UGT2A2: variants seen among roughly 807,000 people sequenced by gnomAD.
UGT2A2 encodes UDP-glucuronosyltransferase 2A2.
In UGT2A2, 60 loss-of-function variants were observed where a neutral mutation model predicts 50.7. The observed-to-expected ratio is 1.18, with a 90% CI of 0.96 to 1.47. UGT2A2 has a LOEUF of 1.47. UGT2A2 is among the 40% of genes most tolerant of loss of function. The probability of loss-of-function intolerance (pLI) is 0.00; values close to 1 mark genes in which losing one functional copy is unlikely to be tolerated. For synonymous variants in UGT2A2, 242 were observed against 214.6 expected, an observed-to-expected ratio of 1.13 and a Z score of -1.11; for missense variants, 762 against 634.0, an observed-to-expected ratio of 1.20 and a Z score of -2.17.
chr4:69,619,069 A>T (rs984675402), intron 1 of UGT2A2, among the ~76,000 whole-genome samples: 7 of 151,916 alleles, frequency 4.6e-5, no homozygotes, highest in Non-Finnish European at 7.4e-5. Flanking sequence ...ATTTATTTAT[A>T]TCAGAAAAAA....
chr4:69,594,154 T>G (rs1227213838), intron 5 of UGT2A2, among the ~76,000 whole-genome samples: 1 of 151,880 alleles, frequency 6.6e-6, no homozygotes, highest in Non-Finnish European at 1.5e-5. Context: ...TTTTGTATTT[T>G]TAGTAGAGAC....
chr4:69,588,947 G>T lies in UGT2A2; in HGVS notation c.*425C>A, dbSNP rs1177996843. ...CTACGGTGGCTCCCTGATTTGTTTG[G>T]TATATGGAAATTTGTGAATTTGACT... is the stretch of plus-strand genomic sequence containing the variant. On this transcript the variant is annotated 3_prime_UTR_variant, in exon 6 of 6. Transcript: ENST00000604629. The T allele has an allele frequency of 1.9e-5, 3 of 154,448 alleles. No homozygotes were observed. The highest frequency in any genetic ancestry group is 7.2e-5 in the African/African-American group (3 of 41,404). The allele number at this position is 154,448 out of a possible 1,614,324, so 9.6% of individuals were successfully genotyped here. A position where few individuals can be genotyped will look rare whatever the true frequency, so the allele number is the denominator to read the frequency against.
At chr4:69,607,954 AC>A (rs1719760681) in intron 1 of UGT2A2, among the ~76,000 whole-genome samples, 1 of 152,180 alleles carries the variant, frequency 6.6e-6, no homozygotes, top group Non-Finnish European at 1.5e-5. Context: ...AAATAGGAAC[AC>A]TTTTACACTG....
chr4:69,606,788 A>C (rs1429491186), intron 1 of UGT2A2, among the ~76,000 whole-genome samples: 1 of 136,898 alleles, frequency 7.3e-6, no homozygotes, highest in African/African-American at 3.0e-5. Flanking sequence ...ACAGACAAAC[A>C]GAGAGCCAAA....
intron 2 of UGT2A2, among the ~76,000 whole-genome samples, chr4:69,597,802 CTTG>C (rs1238592110): frequency 1.3e-5 from 2 of 151,950 alleles, no homozygotes; most frequent in Non-Finnish European, 1.5e-5. Context: ...TTGACAGTCT[CTTG>C]TTGTTTTTGT....
At chr4:69,616,115 C>T (rs62306197) in intron 1 of UGT2A2, among the ~76,000 whole-genome samples, 21,314 of 151,706 alleles carry the variant, frequency 0.14, 1,700 homozygotes, top group Non-Finnish European at 0.18. Flanking sequence ...ATAAGCCAGG[C>T]GCGGAAAGAC....
intron 1 of UGT2A2, among the ~76,000 whole-genome samples, chr4:69,606,433 A>C (rs2109905909): frequency 7.3e-6 from 1 of 136,834 alleles, no homozygotes; most frequent in Admixed American, 7.2e-5. Flanking sequence ...CAAAATAATA[A>C]GAGCTATCTA....
intron 2 of UGT2A2, among the ~76,000 whole-genome samples, chr4:69,598,149 G>T (rs2109887477): frequency 6.6e-6 from 1 of 152,152 alleles, no homozygotes; most frequent in African/African-American, 2.4e-5. Flanking sequence ...ACTAGAGCTT[G>T]CCTGCAGCCA....
intron 5 of UGT2A2, among the ~76,000 whole-genome samples, chr4:69,590,721 G>A (rs1262665108): frequency 2.0e-5 from 3 of 151,930 alleles, no homozygotes; most frequent in Non-Finnish European, 2.9e-5. Context: ...TGGATCATCC[G>A]AATATACTTT....
In UGT2A2 at chr4:69,639,557, T is replaced by C; in HGVS notation, c.84A>G (p.Leu28=). The C allele has an allele frequency of 6.2e-7, 1 of 1,612,640 alleles. No individual in the cohort carries two copies. Reference sequence around the variant, plus strand: ...TAGGCCAAATTAACACATTCCCACTTAGAACAACTTCAGTCAGAGTCAAAT... The same window carrying C: ...TAGGCCAAATTAACACATTCCCACTCAGAACAACTTCAGTCAGAGTCAAAT... ...VFNLTLTEVV[L]SGNVLIWPTD... Residue 28 remains leucine, a synonymous_variant, in exon 1 of 6, where the codon CTA becomes CTG. Coordinates refer to ENST00000604629, the MANE Select transcript of UGT2A2 (RefSeq NM_001105677.2).
At chr4:69,610,137 T>G (rs1284040209) in intron 1 of UGT2A2, among the ~76,000 whole-genome samples, 2 of 152,144 alleles carry the variant, frequency 1.3e-5, no homozygotes, top group African/African-American at 4.8e-5. Flanking sequence ...TGATATAGTT[T>G]CTAAAAGTGG....
chr4:69,637,092 C>T (rs1342880172), intron 1 of UGT2A2, among the ~76,000 whole-genome samples: 1 of 152,044 alleles, frequency 6.6e-6, no homozygotes, highest in African/African-American at 2.4e-5. Context: ...TTGAGACATA[C>T]TCATGTGAAT....
chr4:69,603,908 G>A (rs1719450411), intron 1 of UGT2A2, among the ~76,000 whole-genome samples: 2 of 136,234 alleles, frequency 1.5e-5, no homozygotes, highest in Non-Finnish European at 3.1e-5. Flanking sequence ...CAAGAAATAT[G>A]GGACTATGTG....
rs1218585691 is a variant in UGT2A2, at chr4:69,639,084, G to A, written c.557C>T (p.Ser186Leu). The A allele has an allele frequency of 1.2e-6, 2 of 1,613,414 alleles. No homozygotes were observed. The highest frequency in any genetic ancestry group is 1.1e-5 in the South Asian group (1 of 91,014). The change falls in exon 1 of 6, where the codon TCA becomes TTA. Residue 186 changes from serine to leucine, a missense_variant. Coordinates refer to ENST00000604629, the MANE Select transcript of UGT2A2 (RefSeq NM_001105677.2). ...TTTCCCACAGTGTCTCTCCACTGTT[G>A]ATGCTGGAGAGAACCTCAATGTGTA... is the stretch of plus-strand genomic sequence containing the variant. ...FMYTLRFSPA[S>L]TVERHCGKIP...
At chr4:69,626,773 C>G (rs1029505811) in intron 1 of UGT2A2, among the ~76,000 whole-genome samples, 3 of 151,740 alleles carry the variant, frequency 2.0e-5, no homozygotes, top group Non-Finnish European at 4.4e-5. Context: ...ACAGTATAAA[C>G]TAAAATATTA....
chr4:69,612,881 G>T (rs1211405514), intron 1 of UGT2A2, among the ~76,000 whole-genome samples: 2 of 141,656 alleles, frequency 1.4e-5, no homozygotes, highest in East Asian at 4.2e-4. Flanking sequence ...GACATGTGGG[G>T]CATAATTAAA....
chr4:69,636,043 A>G (rs17618404), intron 1 of UGT2A2, among the ~76,000 whole-genome samples: 34,474 of 151,998 alleles, frequency 0.23, 4,173 homozygotes, highest in Middle Eastern at 0.25. Context: ...TTTCATCTGT[A>G]AGATTTAAGA....
chr4:69,599,423 G>A (rs780000948), intron 1 of UGT2A2, 29 bp from the exon 2 acceptor site: 6 of 1,607,604 alleles, frequency 3.7e-6, no homozygotes, highest in African/African-American at 1.3e-5. Context: ...GTTGGATGGA[G>A]GAAATTAGCT....
At chr4:69,612,020 T>G (rs532740434) in intron 1 of UGT2A2, among the ~76,000 whole-genome samples, 1 of 152,074 alleles carries the variant, frequency 6.6e-6, no homozygotes, top group East Asian at 1.9e-4. Flanking sequence ...AGAATTAACA[T>G]AGTCAGCACT....
Sources: allele counts gnomAD v4.1 joint callset (sites outside exome capture counted in the v4.1 genomes callset), GRCh38; gene constraint gnomAD v4.1.1; transcripts MANE v1.5; gene names NCBI Gene and HGNC (gene_info 2026-07-23, HGNC 2026-07-21).